The following KDM2A variants were observed in gnomAD, a reference collection of about 807,000 sequenced individuals.
The protein encoded by KDM2A is lysine-specific demethylase 2A.
A neutral mutation model predicts 137.3 loss-of-function variants in KDM2A; 3 were observed. That is an observed-to-expected ratio of 0.02 (90% CI 0.01 to 0.06). The LOEUF is 0.06. Among genes scored for constraint, KDM2A ranks in the 10% least tolerant of loss-of-function variants. KDM2A has a pLI of 1.00. For missense variants in KDM2A, 738 were observed against 1,510.6 expected (o/e 0.49, Z 8.48); for synonymous variants, 512 against 541.5 (o/e 0.95, Z 0.76).
chr11:67,243,152 C>T, intron 13 of KDM2A, 60 bp downstream of exon 13: 1 of 1,236,076 alleles, frequency 8.1e-7, no homozygotes, highest in Non-Finnish European at 1.2e-6. Context: ...TTGATCATTA[C>T]CATTCTGGGG....
intron 5 of KDM2A, among the ~76,000 whole-genome samples, chr11:67,188,552 A>G (rs1857265266): frequency 6.6e-6 from 1 of 151,422 alleles, no homozygotes; most frequent in Admixed American, 6.6e-5. Flanking sequence ...CAACTTTGGG[A>G]GGCCAAGGCG....
intron 2 of KDM2A, among the ~76,000 whole-genome samples, chr11:67,161,017 G>A (rs902611167): frequency 1.2e-4 from 19 of 152,174 alleles, no homozygotes; most frequent in African/African-American, 4.3e-4. Context: ...TGTGGCTGAC[G>A]GAGCTTGGAC....
intron 5 of KDM2A, among the ~76,000 whole-genome samples, chr11:67,200,377 G>A (rs191973772): frequency 3.9e-5 from 6 of 152,108 alleles, no homozygotes; most frequent in Non-Finnish European, 5.9e-5. Context: ...CACCACGTCC[G>A]GCTAATTTTT....
intron 2 of KDM2A, among the ~76,000 whole-genome samples, chr11:67,128,222 C>T (rs189568751): frequency 3.3e-5 from 5 of 151,938 alleles, no homozygotes; most frequent in East Asian, 1.9e-4. Context: ...AGGCTGGTCT[C>T]GAACTCCTGG....
intron 5 of KDM2A, among the ~76,000 whole-genome samples, chr11:67,203,652 G>A (rs1857715315): frequency 6.6e-6 from 1 of 151,470 alleles, no homozygotes; most frequent in Admixed American, 6.6e-5. Flanking sequence ...TACTCAGGAG[G>A]CTGAGGTGGG....
intron 2 of KDM2A, among the ~76,000 whole-genome samples, chr11:67,142,356 G>A (rs1430320486): frequency 6.7e-6 from 1 of 148,342 alleles, no homozygotes; most frequent in Non-Finnish European, 1.5e-5. Flanking sequence ...TTTTTTTAGG[G>A]CATTAAAAAT....
intron 2 of KDM2A, among the ~76,000 whole-genome samples, chr11:67,165,124 CTTTT>C (rs904019221): frequency 7.0e-6 from 1 of 143,016 alleles, no homozygotes; most frequent in Non-Finnish European, 1.5e-5. Flanking sequence ...AGAATACCAA[CTTTT>C]TTTTTTTTTT....
At chr11:67,243,185 G>C (rs1771524985) in intron 13 of KDM2A, 93 bp downstream of exon 13, 1 of 891,062 alleles carries the variant, frequency 1.1e-6, no homozygotes, top group African/African-American at 1.7e-5. Context: ...ACTAGAGGCA[G>C]ATGGCTTTTG....
Position 67,255,759 on chromosome 11 carries a change from T to G in KDM2A, c.*704T>G, listed in dbSNP as rs1218433748. 1.4e-5 allele frequency: 5 copies of G among 351,962 alleles called. No homozygotes were observed. The highest frequency in any genetic ancestry group is 2.8e-5 in the Non-Finnish European group (5 of 175,894). 21.8% of individuals were successfully genotyped at this position (351,962 alleles called of 1,614,324 possible). On this transcript the variant is annotated 3_prime_UTR_variant, in exon 21 of 21. Coordinates refer to ENST00000529006, the MANE Select transcript of KDM2A (RefSeq NM_012308.3). ...AGGTCCTTATTGCACTTATTGGGGT[T>G]GAAGCTCTTCAGAGGAGCTGGAACT...
chr11:67,198,893 C>A (rs1374348022), intron 5 of KDM2A, among the ~76,000 whole-genome samples: 1 of 151,944 alleles, frequency 6.6e-6, no homozygotes, highest in Admixed American at 6.6e-5. Context: ...ATTCTCATGC[C>A]TCTGCCTCCC....
At chr11:67,157,332 C>A (rs10219364) in intron 2 of KDM2A, among the ~76,000 whole-genome samples, 115,599 of 141,364 alleles carry the variant, frequency 0.82, 48,730 homozygotes, top group Non-Finnish European at 0.93. Flanking sequence ...AAAAAAAAAA[C>A]AAAAAACACC....
intron 5 of KDM2A, among the ~76,000 whole-genome samples, chr11:67,191,918 C>CT (rs1323944747): frequency 6.6e-6 from 1 of 152,124 alleles, no homozygotes; most frequent in Non-Finnish European, 1.5e-5. Flanking sequence ...GATGATATGA[C>CT]TTTTTTATTT....
At chr11:67,172,980 C>A (rs553423928) in intron 2 of KDM2A, among the ~76,000 whole-genome samples, 1 of 151,908 alleles carries the variant, frequency 6.6e-6, no homozygotes, top group Non-Finnish European at 1.5e-5. Context: ...TAATGTGATG[C>A]ACTGGTTTTT....
At chr11:67,130,962 C>A (rs1346602489) in intron 2 of KDM2A, among the ~76,000 whole-genome samples, 1 of 151,740 alleles carries the variant, frequency 6.6e-6, no homozygotes, top group Non-Finnish European at 1.5e-5. Context: ...AGACCTTGAA[C>A]TCAGGTACCC....
intron 5 of KDM2A, chr11:67,196,390 T>G (rs1446757011): frequency 4.4e-6 from 2 of 456,016 alleles, no homozygotes; most frequent in East Asian, 1.4e-4. Context: ...TCTTCCTGCT[T>G]TAACCTCTTG....
At chr11:67,175,554 C>T (rs1468066485) in intron 2 of KDM2A, among the ~76,000 whole-genome samples, 1 of 152,146 alleles carries the variant, frequency 6.6e-6, no homozygotes, top group Non-Finnish European at 1.5e-5. Flanking sequence ...ATGGGAATGG[C>T]TTGGAGACAG....
intron 2 of KDM2A, among the ~76,000 whole-genome samples, chr11:67,160,829 G>A (rs1276909548): frequency 6.6e-6 from 1 of 152,054 alleles, no homozygotes; most frequent in African/African-American, 2.4e-5. Context: ...AAGAGCTAGC[G>A]GGGCACTGAG....
At chr11:67,151,474 G>A (rs1052077130) in intron 2 of KDM2A, among the ~76,000 whole-genome samples, 4 of 151,836 alleles carry the variant, frequency 2.6e-5, no homozygotes, top group African/African-American at 7.3e-5. Flanking sequence ...TCCGCCTCCC[G>A]AATAAGTGGG....
intron 2 of KDM2A, among the ~76,000 whole-genome samples, chr11:67,135,354 G>C (rs563643303): frequency 6.6e-6 from 1 of 152,128 alleles, no homozygotes; most frequent in Non-Finnish European, 1.5e-5. Flanking sequence ...GTGAGCCACC[G>C]CGCCCAGCAC....
Sources: gnomAD v4.1 joint callset for allele counts (sites outside exome capture counted in the v4.1 genomes callset) on GRCh38, gnomAD v4.1.1 for gene constraint, MANE v1.5 for transcripts, NCBI Gene and HGNC (gene_info 2026-07-23, HGNC 2026-07-21) for gene names.